Variants in EXOC6B observed in about 807,000 individuals in gnomAD.
EXOC6B encodes SEC15 homolog B.
Under a neutral mutation model 113.5 loss-of-function variants are expected in EXOC6B, and 54 were observed. The observed-to-expected ratio is 0.48, with a 90% confidence interval of 0.38 to 0.60. EXOC6B has a LOEUF of 0.60. Among genes scored for constraint, EXOC6B ranks in the 20% least tolerant of loss-of-function variants. The pLI is 0.00. For synonymous variants in EXOC6B, 357 were observed against 339.0 expected, an observed-to-expected ratio of 1.05 and a Z score of -0.58; for missense variants, 797 against 977.5, an observed-to-expected ratio of 0.82 and a Z score of 2.46.
At chr2:72,396,595 A>C (rs1692738610) in intron 18 of EXOC6B, among the ~76,000 whole-genome samples, 1 of 152,148 alleles carries the variant, frequency 6.6e-6, no homozygotes, top group African/African-American at 2.4e-5. Context: ...TAGGACTCAG[A>C]ATATGGGACA....
intron 8 of EXOC6B, among the ~76,000 whole-genome samples, chr2:72,537,232 A>C (rs1443666004): frequency 1.3e-5 from 2 of 152,064 alleles, no homozygotes; most frequent in Non-Finnish European, 2.9e-5. Flanking sequence ...GAATCCCTCT[A>C]AAGTTTAGTT....
intron 18 of EXOC6B, among the ~76,000 whole-genome samples, chr2:72,380,576 C>G (rs1482702966): frequency 2.0e-5 from 3 of 151,812 alleles, no homozygotes; most frequent in Non-Finnish European, 4.4e-5. Flanking sequence ...GGAGGCAGAG[C>G]TTGCAGTGAG....
At chr2:72,285,363 A>G (rs1241399053) in intron 20 of EXOC6B, among the ~76,000 whole-genome samples, 1 of 152,134 alleles carries the variant, frequency 6.6e-6, no homozygotes, top group African/African-American at 2.4e-5. Flanking sequence ...ACCTCTGATG[A>G]GCAAAGGCAA....
chr2:72,611,271 C>T (rs1192816172), intron 6 of EXOC6B, among the ~76,000 whole-genome samples: 1 of 151,338 alleles, frequency 6.6e-6, no homozygotes, highest in Non-Finnish European at 1.5e-5. Flanking sequence ...GGCTGAGGCA[C>T]GAGAATCACT....
At chr2:72,344,406 T>G (rs970341843) in intron 19 of EXOC6B, among the ~76,000 whole-genome samples, 1 of 152,182 alleles carries the variant, frequency 6.6e-6, no homozygotes, top group East Asian at 1.9e-4. Context: ...CTTTGTCTAG[T>G]AGATCCACCA....
At chr2:72,682,558 G>A (rs1431010223) in intron 6 of EXOC6B, among the ~76,000 whole-genome samples, 1 of 151,996 alleles carries the variant, frequency 6.6e-6, no homozygotes, top group Non-Finnish European at 1.5e-5. Flanking sequence ...GAGCAATGAT[G>A]GGCTCACATA....
intron 1 of EXOC6B, among the ~76,000 whole-genome samples, chr2:72,753,505 A>G (rs977193058): frequency 6.6e-6 from 1 of 151,902 alleles, no homozygotes; most frequent in African/African-American, 2.4e-5. Flanking sequence ...TGTCCTTATC[A>G]TCTCTCTTCT....
intron 1 of EXOC6B, among the ~76,000 whole-genome samples, chr2:72,762,796 TA>T (rs978297374): frequency 5.9e-5 from 9 of 151,800 alleles, no homozygotes; most frequent in South Asian, 2.1e-4. Context: ...AGATAACATT[TA>T]AAAAAAGATT....
In EXOC6B at chr2:72,508,586, A is replaced by T. The variant is rs762444501; in HGVS notation, c.1167+4546T>A. Among the ~76,000 whole-genome samples the T allele has an allele frequency of 1.2e-3, 183 of 152,122 alleles. 7 individuals are homozygous for T. Among genetic ancestry groups the T allele is most frequent in the Non-Finnish European group, 3.4e-4 (23 of 68,032 alleles). ...CAGGAGTTCAAGACCAGCCTGGCCA[A>T]CATGGCGAAATCCCATCTCTACTAA... On this transcript the variant is annotated intron_variant, in intron 11 of 21. Coordinates refer to ENST00000272427, the MANE Select transcript of EXOC6B (RefSeq NM_015189.3).
chr2:72,620,503 A>G, intron 6 of EXOC6B, among the ~76,000 whole-genome samples: 2 of 151,658 alleles, frequency 1.3e-5, no homozygotes, highest in East Asian at 3.9e-4. Context: ...AAATAATTTT[A>G]AATTTAAATT....
At chr2:72,754,531 C>A (rs991111315) in intron 1 of EXOC6B, among the ~76,000 whole-genome samples, 3 of 151,922 alleles carry the variant, frequency 2.0e-5, no homozygotes, top group African/African-American at 7.3e-5. Flanking sequence ...CCACACCCAG[C>A]CAAATTTAAT....
At position 72,223,732 on chromosome 2, in the gene EXOC6B, G is replaced by A. The variant is rs145981205; in HGVS notation, c.2197-39545C>T. ...TTGTTTGTTTTAAAGCAAGAGTCCTGTAACACTTCAGGAGGACAGAATCCC... is the reference window on the plus strand; with the variant it reads ...TTGTTTGTTTTAAAGCAAGAGTCCTATAACACTTCAGGAGGACAGAATCCC... On this transcript the variant is annotated intron_variant, in intron 20 of 21. Transcript: ENST00000272427. 3.4e-3 allele frequency among the ~76,000 whole-genome samples: 508 copies of A among 150,814 alleles called. 3 individuals are homozygous for A. Among genetic ancestry groups the A allele is most frequent in the African/African-American group, 0.012 (482 of 41,240 alleles).
At chr2:72,287,632 C>A (rs1002513710) in intron 20 of EXOC6B, among the ~76,000 whole-genome samples, 1 of 151,684 alleles carries the variant, frequency 6.6e-6, no homozygotes, top group Non-Finnish European at 1.5e-5. Flanking sequence ...GCAGATCCTA[C>A]AGATATTAAA....
chr2:72,662,763 C>T (rs1236975171), intron 6 of EXOC6B, among the ~76,000 whole-genome samples: 12 of 151,314 alleles, frequency 7.9e-5, no homozygotes, highest in African/African-American at 1.9e-4. Context: ...TTTTTTGAGA[C>T]GGAGTCTCAC....
chr2:72,483,308 G>A (rs1699214025), intron 16 of EXOC6B, among the ~76,000 whole-genome samples: 1 of 152,100 alleles, frequency 6.6e-6, no homozygotes, highest in South Asian at 2.1e-4. Context: ...TCTGAGAACT[G>A]AAAAATTTCT....
intron 2 of EXOC6B, among the ~76,000 whole-genome samples, chr2:72,737,443 T>G (rs1357211266): frequency 2.0e-5 from 3 of 152,246 alleles, no homozygotes; most frequent in Non-Finnish European, 4.4e-5. Context: ...CACCTACTTA[T>G]GAGAAAAGGT....
At position 72,520,112 on chromosome 2, in the gene EXOC6B, C is replaced by T. The variant is rs1573313335; in HGVS notation, c.916-4986G>A. Among the ~76,000 whole-genome samples, 5 of 152,308 alleles carry T rather than the reference C, an allele frequency of 3.3e-5. No homozygotes were observed. In the East Asian group the frequency reaches 7.7e-4, roughly 23 times the overall value. ...ATCTGATATTGTTTACTGTCTGTCT[C>T]CTCTTGTTAGGATGCAAGCTCCATG... On this transcript the variant is annotated intron_variant, in intron 8 of 21. Coordinates refer to ENST00000272427, the MANE Select transcript of EXOC6B (RefSeq NM_015189.3).
At chr2:72,612,221 G>A (rs1424769866) in intron 6 of EXOC6B, among the ~76,000 whole-genome samples, 1 of 152,030 alleles carries the variant, frequency 6.6e-6, no homozygotes, top group East Asian at 1.9e-4. Context: ...GTTGCAGTGA[G>A]CTGAGATCAC....
At chr2:72,400,191 C>A (rs527879922) in intron 18 of EXOC6B, among the ~76,000 whole-genome samples, 2 of 152,078 alleles carry the variant, frequency 1.3e-5, no homozygotes, top group African/African-American at 2.4e-5. Context: ...GAAAGTACCC[C>A]TATTCAGTAA....
Sources: gnomAD v4.1 joint callset for allele counts (sites outside exome capture counted in the v4.1 genomes callset) on GRCh38, gnomAD v4.1.1 for gene constraint, MANE v1.5 for transcripts, NCBI Gene and HGNC (gene_info 2026-07-23, HGNC 2026-07-21) for gene names.